The following LARGE1 variants were observed in gnomAD, a reference collection of about 807,000 sequenced individuals.
LARGE1 encodes LARGE xylosyl- and glucuronyltransferase 1, also known as xylosyl- and glucuronyltransferase LARGE1.
A neutral mutation model predicts 87.6 loss-of-function variants in LARGE1; 43 were observed. That is an observed-to-expected ratio of 0.49 (90% CI 0.38 to 0.63). The LOEUF (loss-of-function observed/expected upper bound fraction) is 0.63. Ranked by LOEUF, LARGE1 falls within the 30% of genes least tolerant of loss-of-function variation. The pLI is 0.00. For synonymous variants in LARGE1, 434 were observed against 394.6 expected, an observed-to-expected ratio of 1.10 and a Z score of -1.18; for missense variants, 802 against 1,000.2, an observed-to-expected ratio of 0.80 and a Z score of 2.67.
chr22:33,545,362 G>A (rs5754602), intron 6 of LARGE1, among the ~76,000 whole-genome samples: 4 of 149,058 alleles, frequency 2.7e-5, no homozygotes, highest in South Asian at 2.1e-4. Flanking sequence ...AGCCTCCTGT[G>A]TTCAACTCAG....
intron 6 of LARGE1, among the ~76,000 whole-genome samples, chr22:33,526,641 T>C (rs758037771): frequency 2.6e-5 from 4 of 152,248 alleles, no homozygotes; most frequent in Non-Finnish European, 5.9e-5. Context: ...TGGGAAGAGT[T>C]CAGAGAGAGA....
At chr22:33,518,419 G>C (rs1462260275) in intron 6 of LARGE1, among the ~76,000 whole-genome samples, 2 of 152,184 alleles carry the variant, frequency 1.3e-5, no homozygotes, top group Non-Finnish European at 2.9e-5. Flanking sequence ...CCCAGGTTCA[G>C]GCAATTCTCA....
chr22:33,903,329 C>CA (rs1360644662), intron 1 of LARGE1, among the ~76,000 whole-genome samples: 1 of 152,184 alleles, frequency 6.6e-6, no homozygotes, highest in Admixed American at 6.5e-5. Flanking sequence ...CTCAGACTTC[C>CA]AGCCTCTAGG....
At chr22:33,705,574 T>C (rs1451698880) in intron 2 of LARGE1, among the ~76,000 whole-genome samples, 3 of 152,226 alleles carry the variant, frequency 2.0e-5, no homozygotes, top group Admixed American at 6.5e-5. Context: ...AGTGAAGTTA[T>C]GGAAAGCAAA....
At chr22:33,405,712 C>T (rs758238540) in intron 7 of LARGE1, among the ~76,000 whole-genome samples, 5 of 152,054 alleles carry the variant, frequency 3.3e-5, no homozygotes, top group South Asian at 2.1e-4. Context: ...TCCTTACAAA[C>T]GATGTAGTGG....
At chr22:33,590,246 T>C (rs1009257016) in intron 5 of LARGE1, among the ~76,000 whole-genome samples, 1 of 152,250 alleles carries the variant, frequency 6.6e-6, no homozygotes, top group African/African-American at 2.4e-5. Flanking sequence ...TAATTAAATA[T>C]ATTTTATTGT....
At chr22:33,840,594 C>T (rs1236644113) in intron 1 of LARGE1, among the ~76,000 whole-genome samples, 1 of 152,058 alleles carries the variant, frequency 6.6e-6, no homozygotes, top group African/African-American at 2.4e-5. Context: ...CTATTGCCCT[C>T]CTTCATCTTT....
intron 1 of LARGE1, among the ~76,000 whole-genome samples, chr22:33,765,644 G>A (rs528475851): frequency 2.9e-5 from 4 of 139,006 alleles, no homozygotes; most frequent in African/African-American, 1.1e-4. Flanking sequence ...GGCAGAGGTT[G>A]CAGTGAGCAA....
intron 10 of LARGE1, among the ~76,000 whole-genome samples, chr22:33,320,478 A>C (rs1158198920): frequency 1.3e-5 from 2 of 152,144 alleles, no homozygotes; most frequent in African/African-American, 4.8e-5. Context: ...CCATTAAAGC[A>C]CTTGTCAACT....
chr22:33,159,654 G>A (rs1021432499), downstream of LARGE1, among the ~76,000 whole-genome samples: 13 of 149,418 alleles, frequency 8.7e-5, no homozygotes, highest in Admixed American at 2.0e-4. Flanking sequence ...GCACAATCTC[G>A]GCTCACTGCA....
intron 6 of LARGE1, among the ~76,000 whole-genome samples, chr22:33,512,713 T>C (rs1434053111): frequency 6.6e-6 from 1 of 152,078 alleles, no homozygotes; most frequent in African/African-American, 2.4e-5. Context: ...TGAGGCAGGA[T>C]AATCACTTAA....
At chr22:33,445,155 G>A (rs2067637190) in intron 6 of LARGE1, among the ~76,000 whole-genome samples, 1 of 152,178 alleles carries the variant, frequency 6.6e-6, no homozygotes, top group African/African-American at 2.4e-5. Flanking sequence ...AAGGGCACCA[G>A]TCTTCTGGGA....
intron 9 of LARGE1, among the ~76,000 whole-genome samples, chr22:33,357,659 TG>T (rs925968744): frequency 6.6e-6 from 1 of 152,102 alleles, no homozygotes; most frequent in Non-Finnish European, 1.5e-5. Flanking sequence ...CCAGGCATGG[TG>T]GCCCATGCCT....
At chr22:33,131,133 TGC>T in the LARGE1 span, among the ~76,000 whole-genome samples, 1 of 152,034 alleles carries the variant, frequency 6.6e-6, no homozygotes, top group East Asian at 1.9e-4. Context: ...CTATGAGATT[TGC>T]AAGTGGGTGT....
At chr22:33,565,144 AAATG>A in intron 5 of LARGE1, 125 bp from the exon 6 acceptor site, 1 of 859,024 alleles carries the variant, frequency 1.2e-6, no homozygotes, top group Non-Finnish European at 1.8e-6. Context: ...TTTGTTGAAT[AAATG>A]AATGAGTTTT....
intron 13 of LARGE1, 147 bp downstream of exon 13, chr22:33,283,055 G>C: frequency 1.0e-6 from 1 of 986,060 alleles, no homozygotes; most frequent in Non-Finnish European, 1.6e-6. Flanking sequence ...TTACAAGGAC[G>C]TTGTCTGGAG....
At chr22:33,121,664 T>C in the LARGE1 span, among the ~76,000 whole-genome samples, 687 of 152,310 alleles carry the variant, frequency 4.5e-3, 7 homozygotes, top group African/African-American at 0.016. Flanking sequence ...AATTTGGGCC[T>C]TGTGGGGAGA....
At chr22:33,772,201 C>T (rs987819423) in intron 1 of LARGE1, among the ~76,000 whole-genome samples, 8 of 152,012 alleles carry the variant, frequency 5.3e-5, no homozygotes, top group Non-Finnish European at 1.2e-4. Context: ...GGTGTGGTGG[C>T]GGGCACCTGT....
At chr22:33,723,196 A>G (rs190555039) in intron 2 of LARGE1, among the ~76,000 whole-genome samples, 44 of 152,344 alleles carry the variant, frequency 2.9e-4, no homozygotes. Context: ...ATTACAAGAA[A>G]GAGAAGTTTC....
Sources: gnomAD v4.1 joint callset for allele counts (sites outside exome capture counted in the v4.1 genomes callset) on GRCh38, gnomAD v4.1.1 for gene constraint, MANE v1.5 for transcripts, NCBI Gene and HGNC (gene_info 2026-07-23, HGNC 2026-07-21) for gene names.